The following SPATA16 variants were observed in gnomAD, a reference collection of about 807,000 sequenced individuals.
The protein encoded by SPATA16 is spermatogenesis associated 16.
A neutral mutation model predicts 63.3 loss-of-function variants in SPATA16; 36 were observed. The ratio of observed to expected loss-of-function variants is 0.57; its 90% CI spans 0.44 to 0.75. The LOEUF is 0.75. SPATA16 is among the 30% of genes least tolerant of loss of function. The pLI, the probability that SPATA16 is intolerant of heterozygous loss-of-function variation, is 0.00. For missense variants in SPATA16, 646 were observed against 679.3 expected (o/e 0.95, Z 0.54); for synonymous variants, 203 against 216.7 (o/e 0.94, Z 0.56).
intron 6 of SPATA16, among the ~76,000 whole-genome samples, chr3:172,949,231 C>CAATAAATAAATAAATAAATAAATA (rs148318425): frequency 1.3e-5 from 2 of 151,538 alleles, no homozygotes; most frequent in African/African-American, 4.9e-5. Context: ...CTACTAAAAG[C>CAATAAATAAATAAATAAATAAATA]AATAAATAAA....
intron 4 of SPATA16, among the ~76,000 whole-genome samples, chr3:172,994,727 C>T (rs949965924): frequency 1.3e-5 from 2 of 152,136 alleles, no homozygotes; most frequent in Non-Finnish European, 2.9e-5. Context: ...GCATACTGCA[C>T]ATACAGTTAA....
At chr3:172,927,401 A>G (rs958162637) in intron 6 of SPATA16, among the ~76,000 whole-genome samples, 2 of 152,236 alleles carry the variant, frequency 1.3e-5, no homozygotes, top group Non-Finnish European at 2.9e-5. Flanking sequence ...ATATCACAAA[A>G]TGCCTTTTAA....
chr3:173,025,962 C>A (rs917115936), intron 3 of SPATA16, among the ~76,000 whole-genome samples: 2 of 151,942 alleles, frequency 1.3e-5, no homozygotes, highest in Non-Finnish European at 2.9e-5. Flanking sequence ...GGGTCCTATT[C>A]TAAGCATATG....
At chr3:173,078,291 G>A (rs1736850517) in intron 2 of SPATA16, among the ~76,000 whole-genome samples, 2 of 151,950 alleles carry the variant, frequency 1.3e-5, no homozygotes, top group African/African-American at 4.8e-5. Context: ...TTTAAGTACT[G>A]GCTACTAACA....
intron 6 of SPATA16, among the ~76,000 whole-genome samples, chr3:172,940,303 A>G (rs1733115124): frequency 6.6e-6 from 1 of 152,200 alleles, no homozygotes; most frequent in Non-Finnish European, 1.5e-5. Context: ...GTTTTGTCAT[A>G]CTGAAGCCTT....
At chr3:172,910,388 G>A (rs1374738196) in intron 10 of SPATA16, among the ~76,000 whole-genome samples, 4 of 151,964 alleles carry the variant, frequency 2.6e-5, no homozygotes, top group East Asian at 1.9e-4. Flanking sequence ...CACTGCGCCC[G>A]GCCAGCAAAT....
At chr3:172,931,598 A>G (rs1732873821) in intron 6 of SPATA16, among the ~76,000 whole-genome samples, 1 of 152,222 alleles carries the variant, frequency 6.6e-6, no homozygotes, top group Non-Finnish European at 1.5e-5. Context: ...TGCTCAATCA[A>G]CATTTGAATT....
intron 5 of SPATA16, among the ~76,000 whole-genome samples, chr3:172,976,344 G>T (rs1006909903): frequency 4.6e-5 from 7 of 152,074 alleles, no homozygotes; most frequent in Non-Finnish European, 8.8e-5. Flanking sequence ...TTGACAGCTT[G>T]TTGGGGGAGG....
At chr3:172,958,863 C>T (rs1733669926) in intron 5 of SPATA16, among the ~76,000 whole-genome samples, 1 of 151,982 alleles carries the variant, frequency 6.6e-6, no homozygotes, top group Non-Finnish European at 1.5e-5. Context: ...ACTCTAAAGC[C>T]CTCATTTTAA....
chr3:173,115,864 C>G (rs1737883066), intron 2 of SPATA16, among the ~76,000 whole-genome samples: 1 of 151,918 alleles, frequency 6.6e-6, no homozygotes, highest in African/African-American at 2.4e-5. Context: ...TCTCATCACC[C>G]ATGCTCAATT....
chr3:172,905,681 A>G (rs991658741), intron 10 of SPATA16, among the ~76,000 whole-genome samples: 4 of 151,770 alleles, frequency 2.6e-5, no homozygotes, highest in Non-Finnish European at 4.4e-5. Context: ...CACAATAAGT[A>G]TGATTCATAA....
intron 9 of SPATA16, 85 bp downstream of exon 9, chr3:172,916,232 T>C (rs957709428): frequency 3.2e-6 from 3 of 931,786 alleles, no homozygotes; most frequent in Non-Finnish European, 4.4e-6. Context: ...TACCACAGGA[T>C]TTTTTTTTTT....
intron 6 of SPATA16, among the ~76,000 whole-genome samples, chr3:172,936,447 A>C (rs1577096172): frequency 6.6e-6 from 1 of 152,302 alleles, no homozygotes; most frequent in South Asian, 2.1e-4. Context: ...CTCTTCTGTC[A>C]TGCATTTCTC....
chr3:172,975,672 T>G (rs572102052), intron 5 of SPATA16, among the ~76,000 whole-genome samples: 6 of 152,136 alleles, frequency 3.9e-5, no homozygotes, highest in Non-Finnish European at 7.4e-5. Context: ...AATAGGTTGT[T>G]TTGGGTTTAA....
At chr3:173,028,860 C>A (rs183333473) in intron 3 of SPATA16, among the ~76,000 whole-genome samples, 6 of 152,038 alleles carry the variant, frequency 3.9e-5, no homozygotes, top group Admixed American at 3.3e-4. Context: ...ATCACCATAT[C>A]GGAAGCTGTC....
chr3:173,088,330 A>C (rs1022489254), intron 2 of SPATA16, among the ~76,000 whole-genome samples: 7 of 150,824 alleles, frequency 4.6e-5, no homozygotes, highest in African/African-American at 1.5e-4. Flanking sequence ...TGATCCGACC[A>C]CCTTGGCCTC....
At position 173,019,485 on chromosome 3, in the gene SPATA16, C is replaced by A. The variant is rs771680296; in HGVS notation, c.848+1G>T. On this transcript the variant is annotated splice_donor_variant, in intron 4 of 10. Coordinates refer to ENST00000351008, the MANE Select transcript of SPATA16 (RefSeq NM_031955.6). LOFTEE classifies it high-confidence loss of function. Reference sequence around the variant, plus strand: ...CCTCACAAAAGTTAAAACAAACATACCGGGCAGCCTCTGAATACCTCTCCA... The same window carrying A: ...CCTCACAAAAGTTAAAACAAACATAACGGGCAGCCTCTGAATACCTCTCCA... 1 of 1,613,044 alleles carries A rather than the reference C, an allele frequency of 6.2e-7. No homozygotes were observed. The highest frequency in any genetic ancestry group is 8.5e-7 in the Non-Finnish European group (1 of 1,179,164).
chr3:173,117,119 C>T lies in SPATA16; in HGVS notation c.612+1G>A, dbSNP rs986835253. ...AATCTATATTTTCTTTAATCCCATA[C>T]CTCAAGTGCTGTTCTGAACTGTCCT... is the stretch of plus-strand genomic sequence containing the variant. On this transcript the variant is annotated splice_donor_variant, in intron 2 of 10. Transcript: ENST00000351008. LOFTEE classifies it high-confidence loss of function. The T allele has an allele frequency of 1.9e-6, 3 of 1,613,910 alleles. No homozygotes were observed. The highest frequency in any genetic ancestry group is 2.5e-6 in the Non-Finnish European group (3 of 1,179,826).
Position 173,019,544 on chromosome 3 carries a change from T to G in SPATA16, c.790A>C (p.Asn264His). The G allele has an allele frequency of 6.2e-7, 1 of 1,614,038 alleles. No individual in the cohort carries two copies. The highest frequency in any genetic ancestry group is 1.1e-5 in the South Asian group (1 of 91,076). Reference protein sequence around the residue: ...SIVLNPAYFRNHLRQATVFRC... With the variant: ...SIVLNPAYFRHHLRQATVFRC... ...AACACTGTTGCTTGACGAAGATGAT[T>G]CCGGAAATAGGCTGGGTTTAAAACA... The change falls in exon 4 of 11, where the codon AAT becomes CAT. Residue 264 changes from asparagine to histidine, a missense_variant. Asn to His is a moderately conservative substitution (Grantham distance 68). Transcript: ENST00000351008.
Sources: allele counts gnomAD v4.1 joint callset (sites outside exome capture counted in the v4.1 genomes callset), GRCh38; gene constraint gnomAD v4.1.1; transcripts MANE v1.5; gene names NCBI Gene and HGNC (gene_info 2026-07-23, HGNC 2026-07-21).